Variants in HYDIN observed in about 807,000 individuals in gnomAD.
The protein encoded by HYDIN is axonemal central pair apparatus protein HYDIN.
HYDIN carries 132 observed loss-of-function variants against 403.9 expected under a neutral mutation model. That is an observed-to-expected ratio of 0.33 (90% CI 0.28 to 0.38). The LOEUF (loss-of-function observed/expected upper bound fraction) is 0.38, where lower values mean the gene tolerates loss of function less well. Among genes scored for constraint, HYDIN ranks in the 10% least tolerant of loss-of-function variants. The pLI is 1.00. For missense variants in HYDIN, 2,827 were observed against 5,009.5 expected (o/e 0.56, Z 13.15); for synonymous variants, 1,202 against 1,891.7 (o/e 0.64, Z 9.46).
chr16:71,213,247 C>T (rs530948332), intron 1 of HYDIN, among the ~76,000 whole-genome samples: 9 of 151,942 alleles, frequency 5.9e-5, no homozygotes, highest in African/African-American at 1.4e-4. Context: ...GAAGAAATGG[C>T]GGGGGAAACA....
At chr16:71,089,889 A>G (rs2083059301) in intron 11 of HYDIN, among the ~76,000 whole-genome samples, 1 of 135,354 alleles carries the variant, frequency 7.4e-6, no homozygotes, top group Non-Finnish European at 1.6e-5. Flanking sequence ...AGCCTAGAGG[A>G]AACACTCACC....
In HYDIN at chr16:70,818,432, G is replaced by A. The variant is rs1240702289; in HGVS notation, c.14568C>T (p.Asn4856=). The A allele has an allele frequency of 6.2e-7, 1 of 1,612,028 alleles. No homozygotes were observed. The highest frequency in any genetic ancestry group is 8.5e-7 in the Non-Finnish European group (1 of 1,179,080). The change falls in exon 84 of 86, where the codon AAC becomes AAT. Residue 4856 remains asparagine (N), a synonymous_variant. Coordinates refer to ENST00000393567, the MANE Select transcript of HYDIN (RefSeq NM_001270974.2). ...AGAAGGTCACCGAGTAGGGCAGAGG[G>A]TTCTCCAACTTGATGGAGGCTGACG... The part of the protein sequence containing the change: ...QVASASIKLE[N]PLPYSVTFST...
intron 44 of HYDIN, among the ~76,000 whole-genome samples, chr16:70,936,567 G>A (rs1250020228): frequency 2.2e-5 from 3 of 138,254 alleles, no homozygotes; most frequent in African/African-American, 7.4e-5. Context: ...ACAGAGTCTC[G>A]CTCTGTCACC....
intron 10 of HYDIN, among the ~76,000 whole-genome samples, chr16:71,110,476 A>AATAT (rs111905770): frequency 1.4e-5 from 2 of 141,968 alleles, no homozygotes; most frequent in African/African-American, 5.2e-5. Flanking sequence ...AACATATATA[A>AATAT]ATATATATAA....
At chr16:71,208,259 A>C (rs1056512819) in intron 1 of HYDIN, among the ~76,000 whole-genome samples, 3 of 152,234 alleles carry the variant, frequency 2.0e-5, no homozygotes, top group African/African-American at 7.2e-5. Flanking sequence ...AATCAAAGCC[A>C]AGAAAGTCAC....
chr16:70,996,857 G>A (rs1443195505), intron 23 of HYDIN, among the ~76,000 whole-genome samples: 1 of 151,916 alleles, frequency 6.6e-6, no homozygotes, highest in African/African-American at 2.4e-5. Context: ...GGACTGGGTG[G>A]GGTGGTGGGG....
chr16:70,930,198 G>A (rs1403557844), intron 45 of HYDIN, among the ~76,000 whole-genome samples: 3 of 152,306 alleles, frequency 2.0e-5, no homozygotes, highest in Admixed American at 1.3e-4. Flanking sequence ...ACCACCAACC[G>A]GGCTGGGCAC....
intron 50 of HYDIN, among the ~76,000 whole-genome samples, chr16:70,904,503 TTTTTTTTTTTTTTTTTG>T (rs2076476477): frequency 3.3e-5 from 2 of 60,050 alleles, no homozygotes; most frequent in Non-Finnish European, 7.0e-5. Flanking sequence ...TTTTTTTTTT[TTTTTTTTTTTTTTTTTG>T]AGGGAGTTTC....
In HYDIN at chr16:70,872,231, C is replaced by A. The variant is rs1238678550; in HGVS notation, c.10949-52G>T. ...AGTCCTCCCTGGCCTCCCCTGAGGG[C>A]CTGCTGCCTTAAGGAGGCATAGTGC... On this transcript the variant is annotated intron_variant, in intron 64 of 85. Coordinates refer to ENST00000393567, the MANE Select transcript of HYDIN (RefSeq NM_001270974.2). The A allele has an allele frequency of 3.9e-6, 3 of 771,568 alleles. No homozygotes were observed. In the Admixed American group the frequency reaches 8.8e-5, roughly 23 times the overall value. The allele number at this position is 771,568 out of a possible 1,614,324, so 47.8% of individuals were successfully genotyped here. A position where few individuals can be genotyped will look rare whatever the true frequency, so the allele number is the denominator to read the frequency against.
At chr16:71,062,028 T>C (rs1343643064) in intron 17 of HYDIN, 141 bp downstream of exon 17, 1 of 654,362 alleles carries the variant, frequency 1.5e-6, no homozygotes, top group East Asian at 2.7e-5. Context: ...ATTTTACCAT[T>C]GCAGAGTAAA....
chr16:70,921,837 A>G (rs1312574320), intron 45 of HYDIN, among the ~76,000 whole-genome samples: 2 of 152,212 alleles, frequency 1.3e-5, no homozygotes, highest in East Asian at 3.8e-4. Context: ...GCTGCACCTC[A>G]GGCTTTTAAA....
chr16:70,865,109 G>T (rs1245054608), intron 67 of HYDIN: 1 of 233,582 alleles, frequency 4.3e-6, no homozygotes, highest in Non-Finnish European at 8.7e-6. Flanking sequence ...AGAAATGTCA[G>T]TGGCTTACAT....
chr16:71,010,689 C>A (rs2078473), intron 23 of HYDIN, among the ~76,000 whole-genome samples: 5 of 152,256 alleles, frequency 3.3e-5, no homozygotes, highest in Non-Finnish European at 7.3e-5. Context: ...GACACCAGCA[C>A]CCTGAGCTAC....
At chr16:71,125,893 G>A (rs2084434281) in intron 9 of HYDIN, among the ~76,000 whole-genome samples, 1 of 151,360 alleles carries the variant, frequency 6.6e-6, no homozygotes, top group South Asian at 2.1e-4. Context: ...CAGTCTCTCT[G>A]ACCCTTCCTG....
intron 1 of HYDIN, 102 bp downstream of exon 1, chr16:71,230,460 C>A: frequency 1.5e-6 from 2 of 1,364,760 alleles, no homozygotes; most frequent in Non-Finnish European, 1.9e-6. Flanking sequence ...CTGGAGAACG[C>A]CTGGGACGCA....
At chr16:71,213,528 G>C (rs1215030974) in intron 1 of HYDIN, among the ~76,000 whole-genome samples, 1 of 152,022 alleles carries the variant, frequency 6.6e-6, no homozygotes, top group Non-Finnish European at 1.5e-5. Flanking sequence ...TAGAATGAGA[G>C]TGACAATGCC....
intron 1 of HYDIN, among the ~76,000 whole-genome samples, chr16:71,215,393 G>A (rs1258868880): frequency 6.6e-6 from 1 of 152,128 alleles, no homozygotes. Flanking sequence ...AATTCTAGCT[G>A]ATGAATGAAT....
chr16:71,176,885 G>A (rs571182754), intron 4 of HYDIN, among the ~76,000 whole-genome samples: 2 of 152,256 alleles, frequency 1.3e-5, no homozygotes, highest in South Asian at 4.1e-4. Flanking sequence ...TGTACCCCAC[G>A]ACAGTGAGGA....
At chr16:70,930,905 A>G in intron 45 of HYDIN, among the ~76,000 whole-genome samples, 1 of 152,252 alleles carries the variant, frequency 6.6e-6, no homozygotes, top group Non-Finnish European at 1.5e-5. Context: ...ATGAAGAGTC[A>G]GGAAACTGTG....
Sources: gnomAD v4.1 joint callset for allele counts (sites outside exome capture counted in the v4.1 genomes callset) on GRCh38, gnomAD v4.1.1 for gene constraint, MANE v1.5 for transcripts, NCBI Gene and HGNC (gene_info 2026-07-23, HGNC 2026-07-21) for gene names.